The following COL27A1 variants were observed in gnomAD, a reference collection of about 807,000 sequenced individuals.
COL27A1 encodes the protein collagen alpha-1(XXVII) chain.
COL27A1 carries 106 observed loss-of-function variants against 251.3 expected under a neutral mutation model. The ratio of observed to expected loss-of-function variants is 0.42; its 90% CI spans 0.36 to 0.50. The LOEUF (loss-of-function observed/expected upper bound fraction) is 0.50. Among genes scored for constraint, COL27A1 ranks in the 20% least tolerant of loss-of-function variants. COL27A1 has a pLI of 0.00. For missense variants in COL27A1, 2,325 were observed against 2,522.8 expected (o/e 0.92, Z 1.68); for synonymous variants, 1,000 against 986.3 (o/e 1.01, Z -0.26).
In COL27A1 at chr9:114,156,008, G is replaced by T. The variant is rs765624148; in HGVS notation, c.58G>T (p.Gly20Trp). 2.3e-6 allele frequency: 3 copies of T among 1,297,040 alleles called. No homozygotes were observed. The highest frequency in any genetic ancestry group is 3.2e-5 in the South Asian group (1 of 31,408). The allele number at this position is 1,297,040 out of a possible 1,614,324, so 80.3% of individuals were successfully genotyped here. The change falls in exon 1 of 61, where the codon GGG becomes TGG. Residue 20 changes from glycine (G) to tryptophan (W), a missense_variant. Coordinates refer to ENST00000356083, the MANE Select transcript of COL27A1 (RefSeq NM_032888.4). ...RGTAAAAAAR[G>W]GGFLFSWILV... Reference sequence around the variant, plus strand: ...CACAGCGGCGGCGGCGGCGGCGCGCGGGGGGTGAGTACGAACTCGGGGACG... The same window carrying T: ...CACAGCGGCGGCGGCGGCGGCGCGCTGGGGGTGAGTACGAACTCGGGGACG...
intron 44 of COL27A1, 94 bp downstream of exon 44, chr9:114,289,061 A>C (rs1588878765): frequency 1.4e-6 from 2 of 1,477,898 alleles, no homozygotes; most frequent in South Asian, 1.2e-5. Flanking sequence ...GCTTAAAGGG[A>C]CCCTCCCTGC....
intron 12 of COL27A1, among the ~76,000 whole-genome samples, chr9:114,215,562 A>G (rs1175110497): frequency 1.3e-5 from 2 of 152,134 alleles, no homozygotes; most frequent in Non-Finnish European, 2.9e-5. Flanking sequence ...AGACCACGAG[A>G]GAAAGGGGCT....
chr9:114,264,941 G>C lies in COL27A1; in HGVS notation c.3267G>C (p.Gln1089His). ...SRGLKGPPGP[Q>H]GRPGRPGQQG... Reference sequence around the variant, plus strand: ...TCCCACAGGGCCCTCCAGGACCCCAGGGCAGACCGGGCCGGCCTGGACAGC... The same window carrying C: ...TCCCACAGGGCCCTCCAGGACCCCACGGCAGACCGGGCCGGCCTGGACAGC... Residue 1089 changes from glutamine (Q) to histidine (H), a missense_variant, in exon 30 of 61, where the codon CAG becomes CAC. By Grantham distance (24) the Gln-to-His change is conservative (BLOSUM62 0). Transcript: ENST00000356083. 1 of 1,613,298 alleles carries C rather than the reference G, an allele frequency of 6.2e-7. No homozygotes were observed. Among genetic ancestry groups the C allele is most frequent in the African/African-American group, 1.3e-5 (1 of 75,032 alleles).
At chr9:114,248,166 A>G (rs1833273781) in intron 24 of COL27A1, among the ~76,000 whole-genome samples, 1 of 152,210 alleles carries the variant, frequency 6.6e-6, no homozygotes, top group South Asian at 2.1e-4. Context: ...TCGAGGGCTG[A>G]AAACTCTCCG....
rs764581319 is a variant in COL27A1, at chr9:114,264,357, C to A, written c.3198C>A (p.Gly1066=). The A allele has an allele frequency of 5.5e-5, 88 of 1,592,328 alleles. No homozygotes were observed. The South Asian group carries it at 9.2e-4, about 17-fold the overall frequency. The change falls in exon 29 of 61, where the codon GGC becomes GGA. Residue 1066 remains glycine (G), a splice_region_variant and synonymous_variant. Coordinates refer to ENST00000356083, the MANE Select transcript of COL27A1 (RefSeq NM_032888.4). ...PGMRGAKGRR[G]PRGPDGPAGE... is the part of the protein sequence containing the mutation. ...CTAGTCCCTTTTTCCTATTCCAGGG[C>A]CCCCGAGGACCGGACGGACCAGCTG...
Position 114,169,010 on chromosome 9 carries a change from T to C in COL27A1, c.1455T>C (p.Thr485=), listed in dbSNP as rs148709250. Residue 485 remains threonine (T), a synonymous_variant, in exon 3 of 61, where the codon ACT becomes ACC. Coordinates refer to ENST00000356083, the MANE Select transcript of COL27A1 (RefSeq NM_032888.4). Reference sequence around the variant, plus strand: ...GCACCCACAAACCTCCCCCATTTACTGCTTTATCCTCATCTCCTGCCCCTA... The same window carrying C: ...GCACCCACAAACCTCCCCCATTTACCGCTTTATCCTCATCTCCTGCCCCTA... ...RTSTHKPPPF[T]ALSSSPAPTP... is the part of the protein sequence containing the mutation. The C allele has an allele frequency of 2.5e-3, 4,056 of 1,614,096 alleles. 5 individuals carry two copies. Among genetic ancestry groups the C allele is most frequent in the Non-Finnish European group, 2.9e-3 (3,475 of 1,180,018 alleles).
Position 114,168,624 on chromosome 9 carries a change from CAGA to C in COL27A1, c.1073_1075del (p.Lys358del). 1.9e-6 allele frequency: 3 copies of C among 1,614,182 alleles called. No individual in the cohort carries two copies. Among genetic ancestry groups the C allele is most frequent in the Non-Finnish European group, 2.5e-6 (3 of 1,180,016 alleles). Reference sequence around the variant, plus strand: ...TCGCCCTGCGGCCGCTCAACCATCACAGAAGATCACAGCCACCAAAATCCCCAA... The same window carrying C: ...TCGCCCTGCGGCCGCTCAACCATCACAGATCACAGCCACCAAAATCCCCAA... On this transcript the variant is annotated inframe_deletion, in exon 3 of 61. Transcript: ENST00000356083.
intron 50 of COL27A1, 52 bp from the exon 51 acceptor site, chr9:114,300,573 C>A: frequency 6.8e-7 from 1 of 1,460,928 alleles, no homozygotes. Flanking sequence ...CTGTGGGGGC[C>A]CTTTACCCAG....
At chr9:114,293,311 C>A (rs1054681394) in intron 49 of COL27A1, among the ~76,000 whole-genome samples, 1 of 151,810 alleles carries the variant, frequency 6.6e-6, no homozygotes, top group Non-Finnish European at 1.5e-5. Context: ...AAGAAGAGAC[C>A]AAAAGAGATG....
In COL27A1 at chr9:114,205,789, G is replaced by A; in HGVS notation, c.2200G>A (p.Ala734Thr). The part of the protein sequence containing the change: ...GQPGPEGSPG[A>T]KGYPGRQGLP... ...GCCAGGACCTGAGGGCAGCCCAGGG[G>A]CCAAAGGTTACCCTGGCAGGCAGGT... The change falls in exon 9 of 61, where the codon GCC becomes ACC. Residue 734 changes from alanine (A) to threonine (T), a missense_variant. Physicochemically the swap from Ala to Thr is moderately conservative, Grantham distance 58. Transcript: ENST00000356083. 3 of 1,613,842 alleles carry A rather than the reference G, an allele frequency of 1.9e-6. No individual in the cohort carries two copies. The highest frequency in any genetic ancestry group is 2.5e-6 in the Non-Finnish European group (3 of 1,179,888).
chr9:114,167,525 TC>T (rs1319392678), intron 2 of COL27A1, among the ~76,000 whole-genome samples, 163 bp from the exon 3 acceptor site: 1 of 152,204 alleles, frequency 6.6e-6, no homozygotes, highest in African/African-American at 2.4e-5. Flanking sequence ...AACGCTGCCC[TC>T]TCAGCCACCA....
In COL27A1 at chr9:114,167,997, G is replaced by C; in HGVS notation, c.442G>C (p.Asp148His). The C allele has an allele frequency of 1.2e-6, 2 of 1,604,732 alleles. No individual in the cohort carries two copies. Among genetic ancestry groups the C allele is most frequent in the African/African-American group, 1.3e-5 (1 of 75,038 alleles). The change falls in exon 3 of 61, where the codon GAC becomes CAC. Residue 148 changes from aspartate to histidine, a missense_variant. This residue lies in a region of COL27A1 where 1,183 missense variants were observed against 1,144.1 expected (regional missense o/e 1.03). Coordinates refer to ENST00000356083, the MANE Select transcript of COL27A1 (RefSeq NM_032888.4). ...HLGSRRSVAFDLDMHDGRWHH... is the reference protein window; with the variant it reads ...HLGSRRSVAFHLDMHDGRWHH... Reference sequence around the variant, plus strand: ...CGGGTCCCGGCGCTCAGTGGCCTTCGACCTCGACATGCACGACGGGCGCTG... The same window carrying C: ...CGGGTCCCGGCGCTCAGTGGCCTTCCACCTCGACATGCACGACGGGCGCTG...
chr9:114,168,425 G>T lies in COL27A1; in HGVS notation c.870G>T (p.Gly290=). 1.9e-6 allele frequency: 3 copies of T among 1,613,138 alleles called. No homozygotes were observed. Among genetic ancestry groups the T allele is most frequent in the Non-Finnish European group, 2.5e-6 (3 of 1,179,794 alleles). The stretch of plus-strand genomic sequence containing the variant: ...TGCCAGCAGGCAGGGGACCCAGGGG[G>T]ACTGTGGCACCCGCCACGCCCACCA... ...GSLPAGRGPR[G]TVAPATPTKP... is the part of the protein sequence containing the mutation. Residue 290 remains glycine (G), a synonymous_variant, in exon 3 of 61, where the codon GGG becomes GGT. Coordinates refer to ENST00000356083, the MANE Select transcript of COL27A1 (RefSeq NM_032888.4).
rs144786117 is a variant in COL27A1, at chr9:114,169,384, C to T, written c.1829C>T (p.Ser610Leu). ...SSPRPTSSGY[S>L]IFHLAGSTPF... Reference sequence around the variant, plus strand: ...CCCCGGCCCACGAGCAGTGGCTATTCGATCTTCCACCTGGCAGGATCTACG... The same window carrying T: ...CCCCGGCCCACGAGCAGTGGCTATTTGATCTTCCACCTGGCAGGATCTACG... Residue 610 changes from serine (S) to leucine (L), a missense_variant, in exon 3 of 61, where the codon TCG becomes TTG. Physicochemically the swap from Ser to Leu is moderately radical, Grantham distance 145. This residue lies in a region of COL27A1 where 1,183 missense variants were observed against 1,144.1 expected (regional missense o/e 1.03). Coordinates refer to ENST00000356083, the MANE Select transcript of COL27A1 (RefSeq NM_032888.4). 619 of 1,610,258 alleles carry T rather than the reference C, an allele frequency of 3.8e-4. 3 individuals carry two copies. Among genetic ancestry groups the T allele is most frequent in the Middle Eastern group, 2.8e-3 (17 of 6,046 alleles).
Position 114,155,756 on chromosome 9 carries a change from G to A in COL27A1, c.-195G>A, listed in dbSNP as rs1297655126. ...GGCGCCCGGACTCCTGGGACCATGGGCCTGGCGCGGGCGCCCGCGGGGCCC... is the reference window on the plus strand; with the variant it reads ...GGCGCCCGGACTCCTGGGACCATGGACCTGGCGCGGGCGCCCGCGGGGCCC... On this transcript the variant is annotated 5_prime_UTR_variant, in exon 1 of 61. Coordinates refer to ENST00000356083, the MANE Select transcript of COL27A1 (RefSeq NM_032888.4). The surrounding 1 kb of genome is among the most constrained non-coding windows in gnomAD (Gnocchi z 5.5). 5.9e-6 allele frequency: 1 copy of A among 169,116 alleles called. No individual in the cohort carries two copies. The highest frequency in any genetic ancestry group is 1.2e-5 in the Non-Finnish European group (1 of 85,094). The allele number at this position is 169,116 out of a possible 1,614,324, so 10.5% of individuals were successfully genotyped here.
At chr9:114,207,796 GGCCTCTCTGA>G (rs1830066397) in intron 10 of COL27A1, among the ~76,000 whole-genome samples, 1 of 152,196 alleles carries the variant, frequency 6.6e-6, no homozygotes. Flanking sequence ...CAAGTCACTG[GGCCTCTCTGA>G]GCCAATTATT....
chr9:114,276,880 GCC>G (rs1253831281), intron 37 of COL27A1, among the ~76,000 whole-genome samples: 2 of 152,264 alleles, frequency 1.3e-5, no homozygotes, highest in African/African-American at 4.8e-5. Flanking sequence ...CAGACAAGTT[GCC>G]CAATGCTTTC....
At chr9:114,240,389 G>A in intron 20 of COL27A1, 45 bp from the exon 21 acceptor site, 1 of 1,606,092 alleles carries the variant, frequency 6.2e-7, no homozygotes, top group Non-Finnish European at 8.5e-7. Flanking sequence ...CGATGGAGAT[G>A]GAGGTACCGC....
At chr9:114,217,674 A>G in intron 12 of COL27A1, 1 of 426,326 alleles carries the variant, frequency 2.3e-6, no homozygotes. Context: ...GGGCAGGACT[A>G]CAAGTTCTGT....
Sources: gnomAD v4.1 joint callset for allele counts (sites outside exome capture counted in the v4.1 genomes callset) on GRCh38, gnomAD v4.1.1 for gene constraint, gnomAD v4.1.1 regional missense constraint, Gnocchi (gnomAD v3.1) non-coding constraint, MANE v1.5 for transcripts, NCBI Gene and HGNC (gene_info 2026-07-23, HGNC 2026-07-21) for gene names.